FRAS1: variants seen among roughly 807,000 people sequenced by gnomAD.
FRAS1 encodes the protein Fraser extracellular matrix complex subunit 1.
Under a neutral mutation model 435.2 loss-of-function variants are expected in FRAS1, and 290 were observed. That is an observed-to-expected ratio of 0.67 (90% confidence interval 0.61 to 0.73). The LOEUF (loss-of-function observed/expected upper bound fraction) is 0.73, where lower values mean the gene tolerates loss of function less well. Ranked by LOEUF, FRAS1 falls within the 30% of genes least tolerant of loss-of-function variation. The pLI, the probability that FRAS1 is intolerant of heterozygous loss-of-function variation, is 0.00. For missense variants in FRAS1, 4,860 were observed against 5,001.5 expected, an observed-to-expected ratio of 0.97 and a Z score of 0.85; for synonymous variants, 1,800 against 1,851.0, an observed-to-expected ratio of 0.97 and a Z score of 0.71.
At chr4:78,123,588 A>G (rs879347138) in intron 2 of FRAS1, among the ~76,000 whole-genome samples, 2 of 152,174 alleles carry the variant, frequency 1.3e-5, no homozygotes, top group Admixed American at 1.3e-4. Context: ...TTTTCACAAT[A>G]CTTATTCTTC....
chr4:78,381,102 G>T (rs527507802), intron 27 of FRAS1, among the ~76,000 whole-genome samples: 40 of 152,224 alleles, frequency 2.6e-4, no homozygotes, highest in Non-Finnish European at 4.9e-4. Flanking sequence ...AGCCAAGACT[G>T]ATTCCACAAT....
rs1281391844 is a variant in FRAS1 at position 78,333,285 on chromosome 4, CTG to C, written c.2153_2154del (p.Cys718PhefsTer10). 1.2e-6 allele frequency: 2 copies of C among 1,607,936 alleles called. No individual in the cohort carries two copies. Among genetic ancestry groups the C allele is most frequent in the African/African-American group, 2.7e-5 (2 of 74,694 alleles). ...TGICEACHQS[C>X]FRCAGKSPHN... ...TCTTTCCCCCAGCTTGCCACCAGTC[CTG>C]TTTCAGATGTGCAGGGAAAAGCCCA... On this transcript the variant is annotated frameshift_variant, in exon 19 of 74. Coordinates refer to ENST00000512123, the MANE Select transcript of FRAS1 (RefSeq NM_025074.7). LOFTEE classifies it high-confidence loss of function.
intron 38 of FRAS1, among the ~76,000 whole-genome samples, chr4:78,435,141 AGCTACTT>A (rs1734365531): frequency 6.6e-6 from 1 of 152,074 alleles, no homozygotes; most frequent in Non-Finnish European, 1.5e-5. Flanking sequence ...CTGTAGTCCC[AGCTACTT>A]GGGGGCTGAG....
intron 2 of FRAS1, among the ~76,000 whole-genome samples, chr4:78,093,045 G>A (rs1427560575): frequency 1.3e-5 from 2 of 152,148 alleles, no homozygotes; most frequent in Admixed American, 6.6e-5. Flanking sequence ...ATCACAGTAA[G>A]GTATGTGTGA....
chr4:78,509,023 G>A lies in FRAS1; in HGVS notation c.9780+17G>A. 6.2e-7 allele frequency: 1 copy of A among 1,613,386 alleles called. No individual in the cohort carries two copies. Among genetic ancestry groups the A allele is most frequent in the South Asian group, 1.1e-5 (1 of 90,970 alleles). Reference sequence around the variant, plus strand: ...AACCACATGGTAGGTCTGGGGGTCTGGGCCTGGTTCTCCCTCCCTGGGAGA... The same window carrying A: ...AACCACATGGTAGGTCTGGGGGTCTAGGCCTGGTTCTCCCTCCCTGGGAGA... On this transcript the variant is annotated intron_variant, in intron 63 of 73. Coordinates refer to ENST00000512123, the MANE Select transcript of FRAS1 (RefSeq NM_025074.7).
At chr4:78,291,809 T>G (rs1727910938) in intron 14 of FRAS1, among the ~76,000 whole-genome samples, 1 of 152,198 alleles carries the variant, frequency 6.6e-6, no homozygotes, top group African/African-American at 2.4e-5. Flanking sequence ...CTTTGAAGTT[T>G]ATTCTATATC....
In FRAS1 at chr4:78,542,346, G is replaced by A. The variant is rs1722084278; in HGVS notation, c.*1222G>A. The A allele has an allele frequency of 6.6e-6, 1 of 152,200 alleles. No individual in the cohort carries two copies. The highest frequency in any genetic ancestry group is 6.5e-5 in the Admixed American group (1 of 15,282). The allele number at this position is 152,200 out of a possible 1,614,324, so 9.4% of individuals were successfully genotyped here. Reference sequence around the variant, plus strand: ...AAAATAATTTAGTGTTCAAGTATCAGCTTAACTATTTTGTGTAGGCTACAC... The same window carrying A: ...AAAATAATTTAGTGTTCAAGTATCAACTTAACTATTTTGTGTAGGCTACAC... On this transcript the variant is annotated 3_prime_UTR_variant, in exon 74 of 74. Coordinates refer to ENST00000512123, the MANE Select transcript of FRAS1 (RefSeq NM_025074.7).
intron 18 of FRAS1, among the ~76,000 whole-genome samples, chr4:78,325,909 C>G (rs766368306): frequency 6.6e-6 from 1 of 152,090 alleles, no homozygotes; most frequent in Non-Finnish European, 1.5e-5. Context: ...GCATTCTAGG[C>G]CAAGAAAACA....
At chr4:78,398,349 A>T (rs1732754595) in intron 29 of FRAS1, among the ~76,000 whole-genome samples, 1 of 152,346 alleles carries the variant, frequency 6.6e-6, no homozygotes, top group East Asian at 1.9e-4. Context: ...CAAAGTACAG[A>T]TTCTGATTCA....
chr4:78,237,739 A>C (rs946496114), intron 3 of FRAS1, 122 bp downstream of exon 3: 1 of 474,322 alleles, frequency 2.1e-6, no homozygotes, highest in African/African-American at 2.0e-5. Context: ...GCTTAATGAA[A>C]TGCAGAAGAG....
intron 60 of FRAS1, among the ~76,000 whole-genome samples, chr4:78,497,788 ACT>A (rs1217938453): frequency 6.6e-6 from 1 of 152,052 alleles, no homozygotes; most frequent in African/African-American, 2.4e-5. Flanking sequence ...CTCTTAAGTG[ACT>A]CTTAGGGTTT....
Position 78,407,661 on chromosome 4 carries a change from A to G in FRAS1, c.4130-2A>G. 2 of 1,610,174 alleles carry G rather than the reference A, an allele frequency of 1.2e-6. No homozygotes were observed. Among genetic ancestry groups the G allele is most frequent in the Non-Finnish European group, 8.5e-7 (1 of 1,178,246 alleles). ...CTAACTATGTGGCCTGTGCCTTCCT[A>G]GGGGAGGTGGTCCTTCTAGTGAATA... On this transcript the variant is annotated splice_acceptor_variant, in intron 30 of 73. Transcript: ENST00000512123. LOFTEE classifies it high-confidence loss of function.
intron 65 of FRAS1, among the ~76,000 whole-genome samples, chr4:78,514,789 G>A (rs1015538934): frequency 6.6e-6 from 1 of 152,058 alleles, no homozygotes; most frequent in South Asian, 2.1e-4. Flanking sequence ...TAACCCAGCC[G>A]GGTGCAGTGG....
chr4:78,109,703 C>T (rs1742601393), intron 2 of FRAS1, among the ~76,000 whole-genome samples: 1 of 63,672 alleles, frequency 1.6e-5, no homozygotes, highest in South Asian at 6.8e-4. Context: ...ACAGGGATGC[C>T]CTCTCTCACC....
chr4:78,419,012 C>T lies in FRAS1; in HGVS notation c.4489C>T (p.Pro1497Ser). The T allele has an allele frequency of 6.2e-7, 1 of 1,602,928 alleles. No homozygotes were observed. The highest frequency in any genetic ancestry group is 1.1e-5 in the South Asian group (1 of 87,866). The change falls in exon 33 of 74, where the codon CCA becomes TCA. Residue 1497 changes from proline (P) to serine (S), a missense_variant. Coordinates refer to ENST00000512123, the MANE Select transcript of FRAS1 (RefSeq NM_025074.7). Reference sequence around the variant, plus strand: ...CCTCTCCTTCATAAACTCTGAGAAGCCAAGTGGAAAGATTGTCTACAACAT... The same window carrying T: ...CCTCTCCTTCATAAACTCTGAGAAGTCAAGTGGAAAGATTGTCTACAACAT... ...HSLSFINSEKPSGKIVYNITL... is the reference protein window; with the variant it reads ...HSLSFINSEKSSGKIVYNITL...
rs80344769 is a variant in FRAS1 at position 78,497,177 on chromosome 4, G to A, written c.9115+216G>A. ...TTTAATATCATTGTTCCCTACCACAGTGCTAGGAGATATGGACTGATTGTG... is the reference window on the plus strand; with the variant it reads ...TTTAATATCATTGTTCCCTACCACAATGCTAGGAGATATGGACTGATTGTG... On this transcript the variant is annotated intron_variant, in intron 60 of 73. Coordinates refer to ENST00000512123, the MANE Select transcript of FRAS1 (RefSeq NM_025074.7). Among the ~76,000 whole-genome samples the A allele has an allele frequency of 7.2e-4, 109 of 152,230 alleles. 1 individual carries two copies. The East Asian group carries it at 0.02, about 27-fold the overall frequency.
At chr4:78,260,631 C>A (rs1282581930) in intron 6 of FRAS1, among the ~76,000 whole-genome samples, 2 of 151,996 alleles carry the variant, frequency 1.3e-5, no homozygotes, top group Non-Finnish European at 2.9e-5. Context: ...TCTAGATATA[C>A]AATCATGTCA....
intron 2 of FRAS1, among the ~76,000 whole-genome samples, chr4:78,098,344 C>T (rs1741928202): frequency 6.7e-6 from 1 of 149,096 alleles, no homozygotes; most frequent in Non-Finnish European, 1.5e-5. Flanking sequence ...AGCATGATCT[C>T]AGCTCACTGC....
At chr4:78,359,866 A>G (rs1314197798) in intron 20 of FRAS1, among the ~76,000 whole-genome samples, 2 of 152,178 alleles carry the variant, frequency 1.3e-5, no homozygotes, top group East Asian at 3.8e-4. Context: ...CACTCACTCC[A>G]TCATGCAGTA....
Sources: allele counts gnomAD v4.1 joint callset (sites outside exome capture counted in the v4.1 genomes callset), GRCh38; gene constraint gnomAD v4.1.1; transcripts MANE v1.5; gene names NCBI Gene and HGNC (gene_info 2026-07-23, HGNC 2026-07-21).